The following PREP variants were observed in gnomAD, a reference collection of about 807,000 sequenced individuals.
PREP encodes dJ355L5.1 (prolyl endopeptidase).
Under a neutral mutation model 87.6 loss-of-function variants are expected in PREP, and 29 were observed. The ratio of observed to expected loss-of-function variants is 0.33; its 90% CI spans 0.25 to 0.45. The LOEUF (loss-of-function observed/expected upper bound fraction) is 0.45, where lower values mean the gene tolerates loss of function less well. PREP is among the 20% of genes least tolerant of loss of function. The pLI is 1.00. For synonymous variants in PREP, 337 were observed against 328.6 expected (o/e 1.03, Z -0.28); for missense variants, 695 against 886.5 (o/e 0.78, Z 2.74).
chr6:105,387,760 C>T (rs1461451450), intron 2 of PREP, among the ~76,000 whole-genome samples: 2 of 152,236 alleles, frequency 1.3e-5, no homozygotes. Context: ...CGGTGGGCCG[C>T]AGGCTAGACA....
In PREP at chr6:105,372,386, G is replaced by A. The variant is rs964148761; in HGVS notation, c.595+983C>T. Among the ~76,000 whole-genome samples, 4 of 152,158 alleles carry A rather than the reference G, an allele frequency of 2.6e-5. No homozygotes were observed. The East Asian group carries it at 7.7e-4, about 29-fold the overall frequency. ...CCCAAGCTCCTAATCTCTAACACAG[G>A]GATTGTAAAACTTACCTGTAAAGAC... On this transcript the variant is annotated intron_variant, in intron 5 of 14. Coordinates refer to ENST00000652536, the MANE Select transcript of PREP (RefSeq NM_002726.5).
rs998459098 is a variant in PREP, at chr6:105,277,384, T to C, written c.*760A>G. On this transcript the variant is annotated 3_prime_UTR_variant, in exon 15 of 15. Transcript: ENST00000652536. ...TAGGAATACTTTGTAAACAAATCAA[T>C]ATACAAATAGGTGAATAATCTGAAT... 2.0e-5 allele frequency among the ~76,000 whole-genome samples: 3 copies of C among 152,162 alleles called. No homozygotes were observed. Among genetic ancestry groups the C allele is most frequent in the African/African-American group, 7.2e-5 (3 of 41,434 alleles).
At chr6:105,379,160 G>C (rs1772771374) in intron 2 of PREP, among the ~76,000 whole-genome samples, 2 of 152,216 alleles carry the variant, frequency 1.3e-5, no homozygotes, top group South Asian at 4.1e-4. Context: ...GAGTCCCACA[G>C]AAATACAATT....
chr6:105,322,967 T>C (rs1771051086), intron 10 of PREP: 1 of 1,292,510 alleles, frequency 7.7e-7, no homozygotes, highest in Non-Finnish European at 1.0e-6. Context: ...GTGGCCTGTG[T>C]GGTCCAGCCC....
chr6:105,352,904 A>G, intron 7 of PREP, 68 bp downstream of exon 7: 1 of 1,358,130 alleles, frequency 7.4e-7, no homozygotes, highest in Non-Finnish European at 1.0e-6. Context: ...ATCAATTAAT[A>G]GACCACAATA....
intron 6 of PREP, among the ~76,000 whole-genome samples, chr6:105,368,023 T>C (rs1157808999): frequency 6.6e-6 from 1 of 152,172 alleles, no homozygotes; most frequent in Non-Finnish European, 1.5e-5. Flanking sequence ...TCAATTCCCA[T>C]GGAATAAAAT....
chr6:105,333,976 C>T (rs1316796721), intron 7 of PREP, among the ~76,000 whole-genome samples: 1 of 152,030 alleles, frequency 6.6e-6, no homozygotes, highest in East Asian at 1.9e-4. Flanking sequence ...ACCACTGGCA[C>T]CTAAAGGGTA....
At chr6:105,345,622 T>C (rs921016895) in intron 7 of PREP, among the ~76,000 whole-genome samples, 4 of 152,178 alleles carry the variant, frequency 2.6e-5, no homozygotes, top group African/African-American at 9.7e-5. Flanking sequence ...CGACAACAAA[T>C]GCAAGGAGTG....
At chr6:105,322,884 G>A in intron 10 of PREP, 1 of 1,179,580 alleles carries the variant, frequency 8.5e-7, no homozygotes, top group Non-Finnish European at 1.1e-6. Flanking sequence ...TAGTTTCACA[G>A]AAACATTGTG....
At chr6:105,296,435 A>G (rs1458359170) in intron 10 of PREP, among the ~76,000 whole-genome samples, 10 of 152,012 alleles carry the variant, frequency 6.6e-5, no homozygotes. Context: ...AGAAGGTGTT[A>G]ATATTTATGT....
intron 2 of PREP, among the ~76,000 whole-genome samples, chr6:105,393,530 C>A (rs547025550): frequency 6.6e-6 from 1 of 152,098 alleles, no homozygotes; most frequent in African/African-American, 2.4e-5. Flanking sequence ...GCAAATCTAA[C>A]GCTGATATGA....
chr6:105,376,293 T>G (rs372295302), intron 3 of PREP, 38 bp from the exon 4 acceptor site: 5 of 1,592,656 alleles, frequency 3.1e-6, no homozygotes, highest in Non-Finnish European at 4.3e-6. Flanking sequence ...GCTGTGGAGT[T>G]TTCTATTTGT....
At chr6:105,361,651 G>A (rs1310122035) in intron 6 of PREP, among the ~76,000 whole-genome samples, 1 of 152,154 alleles carries the variant, frequency 6.6e-6, no homozygotes, top group Non-Finnish European at 1.5e-5. Flanking sequence ...TAATAGCTTT[G>A]AGAGTTAATC....
At chr6:105,359,109 C>A (rs1772177029) in intron 6 of PREP, among the ~76,000 whole-genome samples, 1 of 152,156 alleles carries the variant, frequency 6.6e-6, no homozygotes, top group East Asian at 1.9e-4. Context: ...CTATTCAGGG[C>A]AGCCACAGCT....
intron 3 of PREP, 85 bp from the exon 4 acceptor site, chr6:105,376,340 C>G (rs1444976501): frequency 6.7e-7 from 1 of 1,484,510 alleles, no homozygotes; most frequent in Non-Finnish European, 9.1e-7. Context: ...AAAACCAAAA[C>G]AAAACCAAAG....
At position 105,283,992 on chromosome 6, in the gene PREP, T is replaced by C. The variant is rs182718387; in HGVS notation, c.1550-1410A>G. ...ATCAGGGGACCATGAGTAGGGGGTA[T>C]GGTGCATAAACTACATACAATTTAA... On this transcript the variant is annotated intron_variant, in intron 12 of 14. Coordinates refer to ENST00000652536, the MANE Select transcript of PREP (RefSeq NM_002726.5). Among the ~76,000 whole-genome samples the C allele has an allele frequency of 7.6e-4, 115 of 152,256 alleles. 1 individual carries two copies. The highest frequency in any genetic ancestry group is 2.6e-3 in the African/African-American group (109 of 41,570).
At chr6:105,305,857 G>C (rs1043057476) in intron 10 of PREP, among the ~76,000 whole-genome samples, 1 of 149,610 alleles carries the variant, frequency 6.7e-6, no homozygotes, top group African/African-American at 2.5e-5. Flanking sequence ...TTTTTTTTGG[G>C]GGGGACAGGT....
intron 2 of PREP, among the ~76,000 whole-genome samples, chr6:105,383,835 T>C (rs1772915651): frequency 1.3e-5 from 2 of 152,260 alleles, no homozygotes; most frequent in East Asian, 1.9e-4. Flanking sequence ...CTCCATTCTT[T>C]GGTGTATACT....
chr6:105,338,583 G>A (rs1216140764), intron 7 of PREP, among the ~76,000 whole-genome samples: 1 of 152,230 alleles, frequency 6.6e-6, no homozygotes, highest in African/African-American at 2.4e-5. Flanking sequence ...CCGAAGCAGG[G>A]CGGGGCATCA....
Sources: allele counts gnomAD v4.1 joint callset (sites outside exome capture counted in the v4.1 genomes callset), GRCh38; gene constraint gnomAD v4.1.1; transcripts MANE v1.5; gene names NCBI Gene and HGNC (gene_info 2026-07-23, HGNC 2026-07-21).